ASXL3: variants seen among roughly 807,000 people sequenced by gnomAD.
ASXL3 encodes ASXL transcriptional regulator 3.
ASXL3 carries 34 observed loss-of-function variants against 170.6 expected under a neutral mutation model. That is an observed-to-expected ratio of 0.20 (90% CI 0.15 to 0.27). ASXL3 has a LOEUF of 0.27. ASXL3 is among the 10% of genes least tolerant of loss of function. The pLI is 1.00. For missense variants in ASXL3, 2,592 were observed against 2,695.3 expected (o/e 0.96, Z 0.85); for synonymous variants, 1,002 against 989.1 (o/e 1.01, Z -0.24).
At chr18:33,736,267 G>A (rs1178515130) in intron 10 of ASXL3, among the ~76,000 whole-genome samples, 1 of 152,026 alleles carries the variant, frequency 6.6e-6, no homozygotes, top group Non-Finnish European at 1.5e-5. Flanking sequence ...GAAGATGACA[G>A]CTATGATATT....
At chr18:33,637,092 C>G (rs942100118) in intron 2 of ASXL3, among the ~76,000 whole-genome samples, 12 of 152,122 alleles carry the variant, frequency 7.9e-5, no homozygotes, top group Non-Finnish European at 1.5e-5. Context: ...AATCATCACA[C>G]TGTATTTTTC....
chr18:33,596,697 A>T (rs2065130357), intron 1 of ASXL3, among the ~76,000 whole-genome samples: 1 of 152,042 alleles, frequency 6.6e-6, no homozygotes, highest in African/African-American at 2.4e-5. Context: ...GTCTTCCTGT[A>T]TTTTATTTTC....
chr18:33,703,911 C>T (rs890229577), intron 8 of ASXL3, among the ~76,000 whole-genome samples: 8 of 152,172 alleles, frequency 5.3e-5, no homozygotes, highest in African/African-American at 1.9e-4. Flanking sequence ...ATGGATTCTC[C>T]GGGGAACAGT....
intron 8 of ASXL3, among the ~76,000 whole-genome samples, chr18:33,713,265 T>TTTTTTTTTTTTTTTTC (rs2067106548): frequency 8.2e-6 from 1 of 121,216 alleles, no homozygotes; most frequent in Non-Finnish European, 1.7e-5. Flanking sequence ...TTTTTTTTTT[T>TTTTTTTTTTTTTTTTC]TTTTTTTTTG....
intron 1 of ASXL3, among the ~76,000 whole-genome samples, chr18:33,589,718 T>C (rs2065062154): frequency 6.6e-6 from 1 of 152,182 alleles, no homozygotes. Context: ...AGGAATTTTA[T>C]ATGATGGAAT....
intron 2 of ASXL3, among the ~76,000 whole-genome samples, chr18:33,640,978 T>C (rs1416931929): frequency 6.6e-6 from 1 of 151,950 alleles, no homozygotes; most frequent in Non-Finnish European, 1.5e-5. Flanking sequence ...AACAATATAA[T>C]AAAATAGTTT....
chr18:33,643,707 A>G (rs1393310223), intron 2 of ASXL3, among the ~76,000 whole-genome samples: 1 of 151,864 alleles, frequency 6.6e-6, no homozygotes, highest in Non-Finnish European at 1.5e-5. Flanking sequence ...GAGATTTGAT[A>G]GTCTTGATCT....
chr18:33,692,216 T>C (rs1165750334), intron 8 of ASXL3, among the ~76,000 whole-genome samples: 1 of 152,218 alleles, frequency 6.6e-6, no homozygotes, highest in African/African-American at 2.4e-5. Context: ...TTAAAAAGGC[T>C]TCAAATGTCA....
Position 33,743,637 on chromosome 18 carries a change from C to T in ASXL3, c.3789C>T (p.Val1263=). ...TGAGTTCTGTTGATAAATCCTCTGTCCTAATGTCTGTTGACAGTGCAAACA... is the reference window on the plus strand; with the variant it reads ...TGAGTTCTGTTGATAAATCCTCTGTTCTAATGTCTGTTGACAGTGCAAACA... ...PFVSSVDKSS[V]LMSVDSANTT... is the part of the protein sequence containing the mutation. Residue 1263 remains valine (V), a synonymous_variant, in exon 12 of 12, where the codon GTC becomes GTT. Coordinates refer to ENST00000269197, the MANE Select transcript of ASXL3 (RefSeq NM_030632.3). 1 of 1,613,660 alleles carries T rather than the reference C, an allele frequency of 6.2e-7. No homozygotes were observed. Among genetic ancestry groups the T allele is most frequent in the Non-Finnish European group, 8.5e-7 (1 of 1,179,870 alleles).
chr18:33,746,102 C>A lies in ASXL3; in HGVS notation c.6254C>A (p.Ser2085Tyr), dbSNP rs1599579189. 2 of 1,613,646 alleles carry A rather than the reference C, an allele frequency of 1.2e-6. No individual in the cohort carries two copies. Among genetic ancestry groups the A allele is most frequent in the East Asian group, 4.5e-5 (2 of 44,864 alleles). Residue 2085 changes from serine (S) to tyrosine (Y), a missense_variant, in exon 12 of 12, where the codon TCT (serine) becomes TAT (tyrosine). Around this residue, in one of 4 missense-constraint regions of ASXL3, gnomAD observed 2,246 missense variants for 2,219.6 expected, o/e 1.01. Transcript: ENST00000269197. ...AGCAATATAAAATCGGAACCTCTTT[C>A]TTTTGAGGAAGGTTTAAGCAGCAGC... ...ICSNIKSEPLSFEEGLSSSCE... is the reference protein window; with the variant it reads ...ICSNIKSEPLYFEEGLSSSCE...
intron 8 of ASXL3, among the ~76,000 whole-genome samples, chr18:33,721,938 TTA>T (rs1232367779): frequency 1.3e-5 from 2 of 152,014 alleles, no homozygotes; most frequent in African/African-American, 4.8e-5. Context: ...AGCATTTTTA[TTA>T]TAATATATTT....
At chr18:33,628,653 A>G (rs2145167078) in intron 2 of ASXL3, among the ~76,000 whole-genome samples, 1 of 152,310 alleles carries the variant, frequency 6.6e-6, no homozygotes, top group South Asian at 2.1e-4. Flanking sequence ...TCAGGTGGTT[A>G]GTAATTAATT....
chr18:33,743,314 A>C lies in ASXL3; in HGVS notation c.3466A>C (p.Thr1156Pro), dbSNP rs1285756359. The C allele has an allele frequency of 1.9e-6, 3 of 1,613,906 alleles. No homozygotes were observed. Among genetic ancestry groups the C allele is most frequent in the Non-Finnish European group, 2.5e-6 (3 of 1,179,854 alleles). Residue 1156 changes from threonine (T) to proline (P), a missense_variant, in exon 12 of 12, where the codon ACT (threonine) becomes CCT (proline). Physicochemically the swap from Thr to Pro is conservative, Grantham distance 38 (BLOSUM62 -1). This residue lies in a region of ASXL3 where 2,246 missense variants were observed against 2,219.6 expected (regional missense o/e 1.01). Coordinates refer to ENST00000269197, the MANE Select transcript of ASXL3 (RefSeq NM_030632.3). ...STPETKMEGS[T>P]GVIIVNPNCR... ...CCCTGAAACAAAAATGGAAGGTTCG[A>C]CTGGTGTCATTATTGTCAATCCAAA...
At chr18:33,726,695 A>G (rs141665635) in intron 8 of ASXL3, among the ~76,000 whole-genome samples, 1 of 152,300 alleles carries the variant, frequency 6.6e-6, no homozygotes, top group East Asian at 1.9e-4. Context: ...CCTTTATACT[A>G]TTAGACAGCA....
At chr18:33,742,083 A>G (rs1045515866) in intron 11 of ASXL3, among the ~76,000 whole-genome samples, 1 of 152,256 alleles carries the variant, frequency 6.6e-6, no homozygotes. Context: ...AAACTGCCCA[A>G]TGCATAAATC....
Position 33,671,739 on chromosome 18 carries a change from T to A in ASXL3, c.596-8T>A. The A allele has an allele frequency of 6.3e-7, 1 of 1,592,810 alleles. No homozygotes were observed. Among genetic ancestry groups the A allele is most frequent in the Non-Finnish European group, 8.6e-7 (1 of 1,169,124 alleles). ...AGATAATGACATAATAACTATTTCCTTTTTTAGGATCTGAATCTAAAAATG... is the reference window on the plus strand; with the variant it reads ...AGATAATGACATAATAACTATTTCCATTTTTAGGATCTGAATCTAAAAATG... On this transcript the variant is annotated splice_polypyrimidine_tract_variant and splice_region_variant and intron_variant, in intron 6 of 11. Transcript: ENST00000269197.
At chr18:33,675,430 T>C (rs2066410381) in intron 7 of ASXL3, among the ~76,000 whole-genome samples, 1 of 152,202 alleles carries the variant, frequency 6.6e-6, no homozygotes, top group Non-Finnish European at 1.5e-5. Context: ...TTGCCTTCTC[T>C]AGGTAGTGGT....
chr18:33,713,414 C>T (rs999582864), intron 8 of ASXL3, among the ~76,000 whole-genome samples: 1 of 150,864 alleles, frequency 6.6e-6, no homozygotes, highest in Non-Finnish European at 1.5e-5. Context: ...CCTGCCACCA[C>T]GCCTGGCTAA....
intron 8 of ASXL3, among the ~76,000 whole-genome samples, chr18:33,703,834 A>G (rs2066917852): frequency 6.6e-6 from 1 of 152,072 alleles, no homozygotes; most frequent in Non-Finnish European, 1.5e-5. Flanking sequence ...TTCATTTGTT[A>G]TATGCTCTTA....
Sources: allele counts gnomAD v4.1 joint callset (sites outside exome capture counted in the v4.1 genomes callset), GRCh38; gene constraint gnomAD v4.1.1; regional missense constraint gnomAD v4.1.1; transcripts MANE v1.5; gene names NCBI Gene and HGNC (gene_info 2026-07-23, HGNC 2026-07-21).